Variants in URB1 observed in about 807,000 individuals in gnomAD.
The protein encoded by URB1 is nucleolar pre-ribosomal-associated protein 1.
Under a neutral mutation model 242.3 loss-of-function variants are expected in URB1, and 197 were observed. That is an observed-to-expected ratio of 0.81 (90% CI 0.72 to 0.91). The LOEUF is 0.91. Among genes scored for constraint, URB1 ranks in the 40% least tolerant of loss-of-function variants. The pLI, the probability that URB1 is intolerant of heterozygous loss-of-function variation, is 0.00. For synonymous variants in URB1, 1,153 were observed against 1,201.8 expected (o/e 0.96, Z 0.84); for missense variants, 2,721 against 2,860.5 (o/e 0.95, Z 1.11).
At chr21:32,328,456 C>A (rs1484965473) in intron 30 of URB1, among the ~76,000 whole-genome samples, 1 of 152,118 alleles carries the variant, frequency 6.6e-6, no homozygotes, top group Non-Finnish European at 1.5e-5. Context: ...TTATTTCTCA[C>A]AAGTGACTGT....
chr21:32,334,480 C>T, intron 28 of URB1, 146 bp from the exon 29 acceptor site: 1 of 972,544 alleles, frequency 1.0e-6, no homozygotes, highest in Non-Finnish European at 1.5e-6. Flanking sequence ...ATCACTCAAT[C>T]CCATCACAGC....
chr21:32,326,393 A>C (rs1048698010), intron 30 of URB1, among the ~76,000 whole-genome samples: 2 of 152,232 alleles, frequency 1.3e-5, no homozygotes, highest in African/African-American at 4.8e-5. Flanking sequence ...ACATTTTTAA[A>C]AGTTAAAGAA....
intron 1 of URB1, among the ~76,000 whole-genome samples, chr21:32,389,101 C>T (rs1049702256): frequency 3.3e-5 from 5 of 152,162 alleles, no homozygotes; most frequent in African/African-American, 1.2e-4. Context: ...ACCTAGGGAA[C>T]ATGATCTAGA....
chr21:32,355,101 C>T, intron 16 of URB1, 104 bp from the exon 17 acceptor site: 1 of 1,331,216 alleles, frequency 7.5e-7, no homozygotes, highest in South Asian at 1.5e-5. Flanking sequence ...ATAATATGTT[C>T]AATCCTTAAT....
Position 32,383,449 on chromosome 21 carries a change from G to A in URB1, c.540C>T (p.Tyr180=). 1.9e-6 allele frequency: 3 copies of A among 1,551,662 alleles called. No homozygotes were observed. Among genetic ancestry groups the A allele is most frequent in the Non-Finnish European group, 2.6e-6 (3 of 1,146,948 alleles). Residue 180 remains tyrosine (Y), a synonymous_variant, in exon 4 of 39, where the codon TAC becomes TAT. Transcript: ENST00000382751. ...SHFDLNKKTL[Y]TLVTKRDSKG... is the part of the protein sequence containing the mutation. ...TTGAATCCCTCTTGGTCACCAGGGT[G>A]TACAGGGTCTTTTTATTCAAATCAA...
intron 2 of URB1, among the ~76,000 whole-genome samples, chr21:32,385,019 G>GA (rs1207312338): frequency 3.3e-5 from 5 of 151,436 alleles, no homozygotes; most frequent in Non-Finnish European, 5.9e-5. Flanking sequence ...AAGAAAGAAA[G>GA]AAAGAAAGAA....
intron 37 of URB1, 58 bp downstream of exon 37, chr21:32,317,618 G>A: frequency 6.5e-7 from 1 of 1,531,276 alleles, no homozygotes; most frequent in Middle Eastern, 1.7e-4. Flanking sequence ...GGGAGGGACG[G>A]ACAGGGTGAG....
At position 32,337,418 on chromosome 21, in the gene URB1, G is replaced by A. The variant is rs1568815001; in HGVS notation, c.4607C>T (p.Thr1536Ile). 1 of 1,551,450 alleles carries A rather than the reference G, an allele frequency of 6.4e-7. No homozygotes were observed. Among genetic ancestry groups the A allele is most frequent in the African/African-American group, 1.4e-5 (1 of 72,994 alleles). ...FAVLLGAYGA[T>I]LSVLDQKILL... is the part of the protein sequence containing the mutation. Reference sequence around the variant, plus strand: ...CACACCCTCACCTAGGACGCTGAGAGTGGCGCCATAGGCCCCGAGAAGCAC... The same window carrying A: ...CACACCCTCACCTAGGACGCTGAGAATGGCGCCATAGGCCCCGAGAAGCAC... Residue 1536 changes from threonine (T) to isoleucine (I), a missense_variant, in exon 27 of 39, where the codon ACT (threonine) becomes ATT (isoleucine). Transcript: ENST00000382751.
rs112880358 is a variant in URB1, at chr21:32,390,814, C to T, written c.142+1955G>A. ...CATTGTGGAAGTCAGTGTGGCGATT[C>T]CTCAGGGATCTAGAACTAGAAATAC... On this transcript the variant is annotated intron_variant, in intron 1 of 38. Transcript: ENST00000382751. Among the ~76,000 whole-genome samples, 280 of 152,268 alleles carry T rather than the reference C, an allele frequency of 1.8e-3. 2 individuals are homozygous for T. Among genetic ancestry groups the T allele is most frequent in the Middle Eastern group, 6.8e-3 (2 of 294 alleles).
chr21:32,352,793 A>T lies in URB1; in HGVS notation c.2530T>A (p.Cys844Ser), dbSNP rs1395869276. The T allele has an allele frequency of 2.6e-6, 4 of 1,551,744 alleles. No homozygotes were observed. In the East Asian group the frequency reaches 9.8e-5, roughly 38 times the overall value. The change falls in exon 19 of 39, where the codon TGC becomes AGC. Residue 844 changes from cysteine to serine, a missense_variant. Physicochemically the swap from Cys to Ser is moderately radical, Grantham distance 112 (BLOSUM62 -1). Coordinates refer to ENST00000382751, the MANE Select transcript of URB1 (RefSeq NM_014825.3). ...LQAYDKLEPP[C>S]LVPCCQQLSR... ...AGCTGCTGGCAGCAAGGCACCAGGC[A>T]TGGAGGCTCAAGCTTATCATATGCC...
chr21:32,391,118 C>CA (rs1464417412), intron 1 of URB1, among the ~76,000 whole-genome samples: 3 of 147,382 alleles, frequency 2.0e-5, no homozygotes, highest in Non-Finnish European at 4.5e-5. Flanking sequence ...ATCGCAAGGA[C>CA]AAAAAACCAA....
chr21:32,331,402 G>A (rs2032891259), intron 30 of URB1, among the ~76,000 whole-genome samples: 1 of 152,220 alleles, frequency 6.6e-6, no homozygotes, highest in Non-Finnish European at 1.5e-5. Context: ...AGATGGAGTA[G>A]ACATGCTTTT....
In URB1 at chr21:32,317,161, G is replaced by T; in HGVS notation, c.6035-96C>A. ...GGTGTCAATGGGGGACACGAGGGGC[G>T]GCTTGCATGTCCTGAGCACCCGGCC... On this transcript the variant is annotated intron_variant, in intron 37 of 38. Transcript: ENST00000382751. 2.0e-5 allele frequency: 29 copies of T among 1,432,248 alleles called. No individual in the cohort carries two copies. In the South Asian group the frequency reaches 4.0e-4, roughly 20 times the overall value. 88.7% of individuals were successfully genotyped at this position (1,432,248 alleles called of 1,614,324 possible). A position where few individuals can be genotyped will look rare whatever the true frequency, so the allele number is the denominator to read the frequency against.
chr21:32,374,925 G>A (rs1235871590), intron 6 of URB1, among the ~76,000 whole-genome samples: 1 of 152,198 alleles, frequency 6.6e-6, no homozygotes, highest in Non-Finnish European at 1.5e-5. Flanking sequence ...GTCATGTTGG[G>A]AGGGTCATAG....
intron 24 of URB1, 149 bp downstream of exon 24, chr21:32,344,421 A>G: frequency 3.8e-6 from 3 of 799,132 alleles, no homozygotes; most frequent in South Asian, 3.9e-5. Flanking sequence ...GTTATCCAGT[A>G]TCTGCCACTC....
rs369185978 is a variant in URB1 at position 32,316,877 on chromosome 21, G to T, written c.6223C>A (p.Pro2075Thr). ...YWRPVIPGPD[P>T]TQEPVDSASP... ...GCTGAGTCCACAGGCTCCTGAGTGG[G>T]GTCAGGACCAGGGATCACTGGTCTC... is the stretch of plus-strand genomic sequence containing the variant. Residue 2075 changes from proline to threonine, a missense_variant, in exon 38 of 39, where the codon CCC (proline) becomes ACC (threonine). Transcript: ENST00000382751. 1.2e-5 allele frequency: 19 copies of T among 1,551,534 alleles called. No homozygotes were observed. The East Asian group carries it at 3.9e-4, about 32-fold the overall frequency.
intron 38 of URB1, 107 bp downstream of exon 38, chr21:32,316,359 G>C (rs538096366): frequency 1.4e-6 from 2 of 1,427,020 alleles, no homozygotes; most frequent in Non-Finnish European, 1.8e-6. Flanking sequence ...ATACCCAGCT[G>C]AGGAAGTCAG....
At position 32,333,410 on chromosome 21, in the gene URB1, C is replaced by A. The variant is rs2032918648; in HGVS notation, c.4867G>T (p.Glu1623Ter). 1 of 1,551,312 alleles carries A rather than the reference C, an allele frequency of 6.4e-7. No homozygotes were observed. The highest frequency in any genetic ancestry group is 8.7e-7 in the Non-Finnish European group (1 of 1,146,774). ...RRLLPPEDTQ[E>*]LIFKDKSRVD... ...CTGCTTTTGTCTTTGAATATCAGCT[C>A]CTGTGTGTCCTGAAAGAGCCAAAAT... Residue 1623 changes from glutamate to a stop codon, truncating the protein, a stop_gained, in exon 30 of 39, where the codon GAG becomes TAG. Transcript: ENST00000382751. LOFTEE classifies it high-confidence loss of function.
chr21:32,317,697 C>A lies in URB1; in HGVS notation c.6013G>T (p.Ala2005Ser), dbSNP rs1220023673. ...QEDLRAAIEKAQARELMKMLK... is the reference protein window; with the variant it reads ...QEDLRAAIEKSQARELMKMLK... ...TCACTCATGAGCTCCCGGGCTTGGG[C>A]CTTCTCAATGGCTGCTCTCAGGTCT... Residue 2005 changes from alanine to serine, a missense_variant, in exon 37 of 39, where the codon GCC becomes TCC. Physicochemically the swap from Ala to Ser is moderately conservative, Grantham distance 99. Coordinates refer to ENST00000382751, the MANE Select transcript of URB1 (RefSeq NM_014825.3). 2 of 1,551,726 alleles carry A rather than the reference C, an allele frequency of 1.3e-6. No homozygotes were observed. Among genetic ancestry groups the A allele is most frequent in the African/African-American group, 2.7e-5 (2 of 73,170 alleles).
Sources: allele counts gnomAD v4.1 joint callset (sites outside exome capture counted in the v4.1 genomes callset), GRCh38; gene constraint gnomAD v4.1.1; transcripts MANE v1.5; gene names NCBI Gene and HGNC (gene_info 2026-07-23, HGNC 2026-07-21).